CSMD1: variants seen among roughly 807,000 people sequenced by gnomAD.
CSMD1 encodes CUB and Sushi multiple domains 1.
In CSMD1, 213 loss-of-function variants were observed where a neutral mutation model predicts 417.5. The ratio of observed to expected loss-of-function variants is 0.51; its 90% CI spans 0.46 to 0.57. CSMD1 has a LOEUF of 0.57. Among genes scored for constraint, CSMD1 ranks in the 20% least tolerant of loss-of-function variants. The probability of loss-of-function intolerance (pLI) is 0.00; values close to 1 mark genes in which losing one functional copy is unlikely to be tolerated. For missense variants in CSMD1, 6,923 were observed against 4,529.7 expected (o/e 1.53, Z -15.17); for synonymous variants, 2,862 against 1,736.8 (o/e 1.65, Z -16.11).
chr8:3,367,694 G>A (rs1256841399), intron 19 of CSMD1, among the ~76,000 whole-genome samples: 2 of 152,164 alleles, frequency 1.3e-5, no homozygotes, highest in African/African-American at 4.8e-5. Flanking sequence ...GTACAGATAT[G>A]ATGTAAATAT....
intron 1 of CSMD1, among the ~76,000 whole-genome samples, chr8:4,845,700 A>G (rs1801101545): frequency 1.3e-5 from 2 of 152,202 alleles, no homozygotes; most frequent in Admixed American, 1.3e-4. Context: ...CTAGGAGACA[A>G]TGGTGTGCTG....
chr8:4,689,109 C>A (rs918913957), intron 1 of CSMD1, among the ~76,000 whole-genome samples: 1 of 152,092 alleles, frequency 6.6e-6, no homozygotes, highest in Non-Finnish European at 1.5e-5. Context: ...TGTTCTCAAC[C>A]CAACAGGTAA....
Position 4,966,886 on chromosome 8 carries a change from C to G in CSMD1, c.85+27446G>C, listed in dbSNP as rs111471164. On this transcript the variant is annotated intron_variant, in intron 1 of 69. Coordinates refer to ENST00000635120, the MANE Select transcript of CSMD1 (RefSeq NM_033225.6). ...ATCATCTTTCCCTTATTCACAAGCA[C>G]GGTTAAAAATATCAACTAAAGTGAC... 3.2e-3 allele frequency among the ~76,000 whole-genome samples: 489 copies of G among 152,236 alleles called. 4 individuals carry two copies. The highest frequency in any genetic ancestry group is 3.4e-3 in the Non-Finnish European group (233 of 68,020).
rs1317072596 is a variant in CSMD1, at chr8:4,542,606, T to C, written c.302+94736A>G. Among the ~76,000 whole-genome samples the C allele has an allele frequency of 2.6e-5, 4 of 152,206 alleles. 1 individual carries two copies. Among genetic ancestry groups the C allele is most frequent in the South Asian group, 4.1e-4 (2 of 4,834 alleles). ...TTATTGCTAACGCAATTTTTTTCAA[T>C]GTAACTTCTTCACTTTGCTCCAATG... On this transcript the variant is annotated intron_variant, in intron 2 of 69. Transcript: ENST00000635120.
intron 5 of CSMD1, among the ~76,000 whole-genome samples, chr8:3,825,715 G>C (rs17067694): frequency 0.037 from 5,608 of 152,184 alleles, 316 homozygotes; most frequent in African/African-American, 0.11. Context: ...GCTAGCTAAG[G>C]AAAATTTCCA....
chr8:3,034,064 C>T (rs1585195034), intron 50 of CSMD1, among the ~76,000 whole-genome samples: 1 of 152,226 alleles, frequency 6.6e-6, no homozygotes, highest in African/African-American at 2.4e-5. Flanking sequence ...ATCAGTGCTG[C>T]TGCCCACATT....
At chr8:3,736,690 G>C (rs1000267386) in intron 6 of CSMD1, among the ~76,000 whole-genome samples, 3 of 152,166 alleles carry the variant, frequency 2.0e-5, no homozygotes, top group African/African-American at 7.2e-5. Context: ...CCGCAGAATG[G>C]AGCTGGGGAT....
chr8:4,435,692 T>C (rs1798110303), intron 2 of CSMD1, among the ~76,000 whole-genome samples: 1 of 152,182 alleles, frequency 6.6e-6, no homozygotes, highest in African/African-American at 2.4e-5. Context: ...TACTGACAAG[T>C]GGAGGTGCCT....
intron 1 of CSMD1, among the ~76,000 whole-genome samples, chr8:4,938,512 T>C (rs1200448205): frequency 6.6e-6 from 1 of 152,202 alleles, no homozygotes; most frequent in Non-Finnish European, 1.5e-5. Flanking sequence ...TATAGACACC[T>C]GGTGACTACC....
chr8:4,625,760 G>A (rs1022422005), intron 2 of CSMD1, among the ~76,000 whole-genome samples: 4 of 152,112 alleles, frequency 2.6e-5, no homozygotes, highest in African/African-American at 9.7e-5. Flanking sequence ...GTCTGGTTCT[G>A]TCGCCCAGGT....
chr8:4,730,152 T>G (rs536263644), intron 1 of CSMD1, among the ~76,000 whole-genome samples: 4 of 151,978 alleles, frequency 2.6e-5, no homozygotes, highest in Admixed American at 2.6e-4. Context: ...ATTCCCAGAA[T>G]GCAAAGCATG....
At chr8:3,873,752 G>C (rs1563165717) in intron 5 of CSMD1, among the ~76,000 whole-genome samples, 1 of 152,178 alleles carries the variant, frequency 6.6e-6, no homozygotes, top group South Asian at 2.1e-4. Flanking sequence ...TAAGGATACA[G>C]AGAAAAATCA....
intron 1 of CSMD1, among the ~76,000 whole-genome samples, chr8:4,834,141 C>A (rs922558231): frequency 1.3e-5 from 2 of 152,114 alleles, no homozygotes; most frequent in Non-Finnish European, 2.9e-5. Flanking sequence ...TTTTAAACAC[C>A]TAATTCATAC....
intron 5 of CSMD1, among the ~76,000 whole-genome samples, chr8:3,981,304 A>G (rs551642501): frequency 2.0e-5 from 3 of 152,278 alleles, no homozygotes; most frequent in Admixed American, 1.3e-4. Context: ...GAGGACACAA[A>G]GGCAAAAGAA....
intron 3 of CSMD1, among the ~76,000 whole-genome samples, chr8:4,233,156 G>A (rs1230420886): frequency 6.6e-6 from 1 of 152,174 alleles, no homozygotes; most frequent in African/African-American, 2.4e-5. Flanking sequence ...ACAATGACAT[G>A]CATTTTAATA....
At chr8:3,304,392 G>A (rs1242197311) in intron 25 of CSMD1, among the ~76,000 whole-genome samples, 2 of 152,044 alleles carry the variant, frequency 1.3e-5, no homozygotes, top group Non-Finnish European at 2.9e-5. Context: ...TTAAGTACAT[G>A]ATATACAATT....
intron 3 of CSMD1, among the ~76,000 whole-genome samples, chr8:4,324,006 G>C (rs1226717396): frequency 6.6e-6 from 1 of 152,158 alleles, no homozygotes; most frequent in Non-Finnish European, 1.5e-5. Flanking sequence ...CCTGGGAATG[G>C]CAGGCACAGC....
intron 52 of CSMD1, among the ~76,000 whole-genome samples, chr8:3,015,110 A>C (rs1480742751): frequency 2.6e-5 from 4 of 151,184 alleles, no homozygotes; most frequent in Admixed American, 6.6e-5. Context: ...AAAAAAAAAA[A>C]CAGAACTGAA....
At chr8:3,348,516 C>T (rs1213219230) in intron 21 of CSMD1, among the ~76,000 whole-genome samples, 1 of 152,184 alleles carries the variant, frequency 6.6e-6, no homozygotes, top group Non-Finnish European at 1.5e-5. Context: ...CACCTCATTC[C>T]TGCCTCATGA....
Sources: allele counts gnomAD v4.1 joint callset (sites outside exome capture counted in the v4.1 genomes callset), GRCh38; gene constraint gnomAD v4.1.1; transcripts MANE v1.5; gene names NCBI Gene and HGNC (gene_info 2026-07-23, HGNC 2026-07-21).